Variants in PTPN14 observed in about 807,000 individuals in gnomAD.
The protein encoded by PTPN14 is protein tyrosine phosphatase non-receptor type 14.
A neutral mutation model predicts 126.8 loss-of-function variants in PTPN14; 53 were observed. The ratio of observed to expected loss-of-function variants is 0.42; its 90% CI spans 0.34 to 0.53. The LOEUF (loss-of-function observed/expected upper bound fraction) is 0.53. Among genes scored for constraint, PTPN14 ranks in the 20% least tolerant of loss-of-function variants. The probability of loss-of-function intolerance (pLI) is 0.08; values close to 1 mark genes in which losing one functional copy is unlikely to be tolerated. For synonymous variants in PTPN14, 630 were observed against 599.3 expected (o/e 1.05, Z -0.75); for missense variants, 1,257 against 1,552.9 (o/e 0.81, Z 3.20).
intron 1 of PTPN14, among the ~76,000 whole-genome samples, chr1:214,481,724 G>A (rs898845749): frequency 1.1e-4 from 16 of 151,820 alleles, no homozygotes; most frequent in African/African-American, 3.6e-4. Context: ...GGTGGCTCAC[G>A]CCTGTAATTC....
At position 214,407,194 on chromosome 1, in the gene PTPN14, C is replaced by T. The variant is rs149065978; in HGVS notation, c.511-4241G>A. 7.2e-5 allele frequency among the ~76,000 whole-genome samples: 11 copies of T among 152,294 alleles called. No individual in the cohort carries two copies. The East Asian group carries it at 2.1e-3, about 29-fold the overall frequency. On this transcript the variant is annotated intron_variant, in intron 5 of 18. Transcript: ENST00000366956. ...TAATAAGGTATGAAAACAGCAGGCA[C>T]AGCAGATAATACCACTGTTTACTTG... is the stretch of plus-strand genomic sequence containing the variant.
At chr1:214,368,703 C>A (rs1295049102) in intron 17 of PTPN14, among the ~76,000 whole-genome samples, 2 of 152,138 alleles carry the variant, frequency 1.3e-5, no homozygotes, top group Non-Finnish European at 2.9e-5. Context: ...TAATTCCTGG[C>A]TGGGCACAGT....
intron 3 of PTPN14, among the ~76,000 whole-genome samples, chr1:214,444,339 T>C (rs989873765): frequency 3.3e-5 from 5 of 152,200 alleles, no homozygotes; most frequent in Non-Finnish European, 5.9e-5. Context: ...TAGCTGGAGC[T>C]GGCCAGGAGG....
rs1410662173 is a variant in PTPN14, at chr1:214,520,923, G to C, written c.-155+30260C>G. ...CTAAATTGTTATTTACCCCAGGCCA[G>C]TGTCTCTTTAAAGAAGCTAAAATTG... On this transcript the variant is annotated intron_variant, in intron 1 of 18. Coordinates refer to ENST00000366956, the MANE Select transcript of PTPN14 (RefSeq NM_005401.5). Among the ~76,000 whole-genome samples the C allele has an allele frequency of 2.6e-5, 4 of 152,100 alleles. No individual in the cohort carries two copies. The East Asian group carries it at 7.7e-4, about 29-fold the overall frequency.
chr1:214,492,876 C>T (rs1370314113), intron 1 of PTPN14, among the ~76,000 whole-genome samples: 1 of 137,294 alleles, frequency 7.3e-6, no homozygotes, highest in Non-Finnish European at 1.5e-5. Flanking sequence ...CCAGCCCGGG[C>T]AAGAGAACAA....
chr1:214,376,558 T>C, intron 14 of PTPN14, 121 bp from the exon 15 acceptor site: 2 of 820,758 alleles, frequency 2.4e-6, no homozygotes, highest in Admixed American at 2.5e-5. Flanking sequence ...CTACAATCAA[T>C]GCTTGGTTTG....
At chr1:214,390,288 C>A (rs1658718814) in intron 11 of PTPN14, among the ~76,000 whole-genome samples, 1 of 152,048 alleles carries the variant, frequency 6.6e-6, no homozygotes, top group South Asian at 2.1e-4. Context: ...TTGAGTAATC[C>A]TCAAAATAAA....
intron 1 of PTPN14, among the ~76,000 whole-genome samples, chr1:214,512,905 T>A (rs1308766695): frequency 6.6e-6 from 1 of 152,076 alleles, no homozygotes; most frequent in Non-Finnish European, 1.5e-5. Context: ...TTGGCCAGGC[T>A]GGTCTTGAAC....
chr1:214,550,755 T>C (rs917784346), intron 1 of PTPN14, among the ~76,000 whole-genome samples: 1 of 152,074 alleles, frequency 6.6e-6, no homozygotes, highest in African/African-American at 2.4e-5. Context: ...TGGGGTGTGA[T>C]TGGGAGCGTC....
chr1:214,386,968 G>A (rs775355447), intron 11 of PTPN14, 46 bp from the exon 12 acceptor site: 27 of 1,497,800 alleles, frequency 1.8e-5, no homozygotes, highest in Middle Eastern at 1.7e-4. Flanking sequence ...GGGCAGACAC[G>A]GCTGGTGACT....
chr1:214,357,895 C>T lies in PTPN14; in HGVS notation c.*27G>A. ...TCCTCCAGCGCGATGGAGCTGGGTC[C>T]CTCCTCCAGGAGCTGGATTGGGGTG... is the stretch of plus-strand genomic sequence containing the variant. On this transcript the variant is annotated 3_prime_UTR_variant, in exon 19 of 19. Transcript: ENST00000366956. The T allele has an allele frequency of 1.2e-6, 2 of 1,606,232 alleles. No homozygotes were observed. The highest frequency in any genetic ancestry group is 2.2e-5 in the South Asian group (2 of 90,614).
chr1:214,443,034 A>T (rs1369764608), intron 3 of PTPN14, among the ~76,000 whole-genome samples: 1 of 151,956 alleles, frequency 6.6e-6, no homozygotes, highest in African/African-American at 2.4e-5. Flanking sequence ...CATTGGTCAG[A>T]CTGGTCTCGA....
chr1:214,424,342 C>A (rs1392673392), intron 3 of PTPN14, among the ~76,000 whole-genome samples: 1 of 151,318 alleles, frequency 6.6e-6, no homozygotes, highest in Non-Finnish European at 1.5e-5. Flanking sequence ...ATTAAAAGAA[C>A]GTTTGAAAAC....
chr1:214,373,561 ACACACAC>A (rs1658270020), intron 15 of PTPN14, among the ~76,000 whole-genome samples: 1 of 818 alleles, frequency 1.2e-3, no homozygotes, highest in Admixed American at 6.7e-3. Context: ...TCATTGAAAC[ACACACAC>A]ACACACACAC....
intron 1 of PTPN14, among the ~76,000 whole-genome samples, chr1:214,493,206 C>T (rs150273360): frequency 1.3e-5 from 2 of 152,266 alleles, no homozygotes; most frequent in East Asian, 3.9e-4. Flanking sequence ...TGACTGGGGA[C>T]AGCTGCAAGT....
intron 1 of PTPN14, chr1:214,532,699 C>A: frequency 2.5e-6 from 2 of 797,280 alleles, no homozygotes; most frequent in South Asian, 1.3e-5. Context: ...GACAGACTCT[C>A]AGGCGCCAGT....
At chr1:214,431,046 G>A (rs1332165545) in intron 3 of PTPN14, among the ~76,000 whole-genome samples, 2 of 152,190 alleles carry the variant, frequency 1.3e-5, no homozygotes, top group Non-Finnish European at 2.9e-5. Context: ...GGAAAAGGGA[G>A]ATACTTCAAG....
At chr1:214,437,007 T>C (rs1340090742) in intron 3 of PTPN14, among the ~76,000 whole-genome samples, 2 of 58,912 alleles carry the variant, frequency 3.4e-5, no homozygotes, top group African/African-American at 1.9e-4. Flanking sequence ...CAAGCCTCTC[T>C]GTATTTTTTT....
intron 1 of PTPN14, among the ~76,000 whole-genome samples, chr1:214,524,901 C>T (rs1473238852): frequency 6.6e-6 from 1 of 152,060 alleles, no homozygotes; most frequent in African/African-American, 2.4e-5. Flanking sequence ...CCCCAAGTGT[C>T]TCAAATTATT....
Sources: gnomAD v4.1 joint callset for allele counts (sites outside exome capture counted in the v4.1 genomes callset) on GRCh38, gnomAD v4.1.1 for gene constraint, MANE v1.5 for transcripts, NCBI Gene and HGNC (gene_info 2026-07-23, HGNC 2026-07-21) for gene names.